Variants in DSE observed in about 807,000 individuals in gnomAD.
The protein encoded by DSE is dermatan-sulfate epimerase.
A neutral mutation model predicts 84.4 loss-of-function variants in DSE; 36 were observed. The observed-to-expected ratio is 0.43, with a 90% CI of 0.33 to 0.56. The LOEUF is 0.56. Ranked by LOEUF, DSE falls within the 20% of genes least tolerant of loss-of-function variation. The pLI is 0.06. For synonymous variants in DSE, 410 were observed against 430.1 expected (o/e 0.95, Z 0.58); for missense variants, 862 against 1,169.6 (o/e 0.74, Z 3.84).
At chr6:116,298,338 G>A (rs577158428) in intron 2 of DSE, among the ~76,000 whole-genome samples, 2 of 152,326 alleles carry the variant, frequency 1.3e-5, no homozygotes, top group African/African-American at 4.8e-5. Context: ...CCTTGAGATA[G>A]GGATATTGTC....
chr6:116,394,561 G>A (rs866699616), intron 1 of DSE, among the ~76,000 whole-genome samples: 26 of 151,822 alleles, frequency 1.7e-4, no homozygotes, highest in African/African-American at 5.6e-4. Flanking sequence ...TCAGCCTCCC[G>A]AGTAGCTGGA....
intron 1 of DSE, chr6:116,375,562 T>C (rs1441440490): frequency 1.0e-6 from 1 of 984,840 alleles, no homozygotes; most frequent in South Asian, 4.7e-5. Context: ...CATCTCACTT[T>C]AGTGTTTCAC....
upstream of DSE, chr6:116,366,405 G>A (rs1779166231): frequency 1.3e-5 from 2 of 152,188 alleles, no homozygotes; most frequent in Admixed American, 6.5e-5. Flanking sequence ...ATGAAGAAGA[G>A]TCTCTACCAT....
intron 1 of DSE, among the ~76,000 whole-genome samples, chr6:116,386,208 G>A (rs1258498505): frequency 1.3e-5 from 2 of 152,212 alleles, no homozygotes; most frequent in South Asian, 2.1e-4. Context: ...AGAGAAAGAT[G>A]TGGTGAAAGT....
intron 1 of DSE, chr6:116,254,364 C>T: frequency 2.0e-6 from 1 of 509,830 alleles, no homozygotes; most frequent in African/African-American, 1.9e-5. Flanking sequence ...CCTATTGTTT[C>T]TGAAAATATT....
intron 1 of DSE, among the ~76,000 whole-genome samples, chr6:116,372,511 C>T (rs936050295): frequency 6.6e-6 from 1 of 152,106 alleles, no homozygotes; most frequent in Non-Finnish European, 1.5e-5. Flanking sequence ...TAGTGATAAA[C>T]AATATTGTAT....
At chr6:116,428,939 A>G (rs1783627577) in intron 3 of DSE, among the ~76,000 whole-genome samples, 1 of 152,188 alleles carries the variant, frequency 6.6e-6, no homozygotes, top group Non-Finnish European at 1.5e-5. Context: ...TTGTATTCAC[A>G]GAGAGTTGCA....
chr6:116,288,331 C>T (rs1277524397), intron 2 of DSE: 2 of 152,064 alleles, frequency 1.3e-5, no homozygotes, highest in African/African-American at 2.4e-5. Flanking sequence ...TATGCTAAAA[C>T]TTAGGCATAT....
intron 2 of DSE, among the ~76,000 whole-genome samples, chr6:116,262,303 T>C (rs540341732): frequency 6.6e-6 from 1 of 152,214 alleles, no homozygotes; most frequent in Non-Finnish European, 1.5e-5. Flanking sequence ...GAACTCAATA[T>C]TGGTCTGTTC....
At chr6:116,399,165 A>G (rs1369098972) in intron 1 of DSE, 33 bp from the exon 2 acceptor site, 7 of 1,576,886 alleles carry the variant, frequency 4.4e-6, no homozygotes, top group Non-Finnish European at 5.2e-6. Context: ...CCCTTGGCTG[A>G]CAGACACTTT....
At chr6:116,290,179 G>C (rs542459601) in intron 2 of DSE, among the ~76,000 whole-genome samples, 10 of 152,114 alleles carry the variant, frequency 6.6e-5, no homozygotes, top group Admixed American at 5.2e-4. Context: ...ATGCCATGTT[G>C]CTTTTCTGAT....
chr6:116,288,298 G>C (rs1440502930), intron 2 of DSE: 1 of 152,116 alleles, frequency 6.6e-6, no homozygotes, highest in Non-Finnish European at 1.5e-5. Flanking sequence ...TCAATGAATA[G>C]AAGATGGTAA....
At chr6:116,273,826 G>GTTT (rs1350705791) in intron 2 of DSE, among the ~76,000 whole-genome samples, 2 of 88,892 alleles carry the variant, frequency 2.2e-5, no homozygotes, top group African/African-American at 1.1e-4. Context: ...CAAAAAGTAT[G>GTTT]TTTTTTTGTT....
At chr6:116,292,882 A>T (rs12212609) in intron 2 of DSE, among the ~76,000 whole-genome samples, 35,833 of 152,144 alleles carry the variant, frequency 0.24, 5,648 homozygotes, top group Non-Finnish European at 0.36. Context: ...AATAAATATT[A>T]GCTGACACCC....
intron 2 of DSE, among the ~76,000 whole-genome samples, chr6:116,268,558 G>T (rs1176592390): frequency 6.6e-6 from 1 of 152,050 alleles, no homozygotes; most frequent in African/African-American, 2.4e-5. Context: ...ATTTTATATA[G>T]GGCACTATCC....
At chr6:116,403,266 A>T (rs541241887) in intron 2 of DSE, among the ~76,000 whole-genome samples, 1 of 152,302 alleles carries the variant, frequency 6.6e-6, no homozygotes, top group East Asian at 1.9e-4. Flanking sequence ...AGTAAAAGTA[A>T]CAGAGTAATT....
At chr6:116,301,358 G>A (rs1281053939) in intron 2 of DSE, among the ~76,000 whole-genome samples, 1 of 152,182 alleles carries the variant, frequency 6.6e-6, no homozygotes, top group African/African-American at 2.4e-5. Flanking sequence ...CCTTACCCAT[G>A]TGCAACTAGG....
chr6:116,279,849 A>T (rs1288485769), intron 2 of DSE: 1 of 1,613,068 alleles, frequency 6.2e-7, no homozygotes, highest in Non-Finnish European at 8.5e-7. Context: ...CAGTCGGACC[A>T]ACCGCAGGCG....
chr6:116,404,986 GTT>G (rs34557502), intron 2 of DSE, among the ~76,000 whole-genome samples: 6 of 136,538 alleles, frequency 4.4e-5, no homozygotes, highest in East Asian at 2.2e-4. Context: ...AAGTAATTGT[GTT>G]TTTTTTTTTT....
Sources: gnomAD v4.1 joint callset for allele counts (sites outside exome capture counted in the v4.1 genomes callset) on GRCh38, gnomAD v4.1.1 for gene constraint, MANE v1.5 for transcripts, NCBI Gene and HGNC (gene_info 2026-07-23, HGNC 2026-07-21) for gene names.